The following INPP4A variants were observed in gnomAD, a reference collection of about 807,000 sequenced individuals.
The protein encoded by INPP4A is inositol polyphosphate-4-phosphatase type I A.
A neutral mutation model predicts 119.8 loss-of-function variants in INPP4A; 33 were observed. The observed-to-expected ratio is 0.28, with a 90% confidence interval of 0.21 to 0.37. The LOEUF (loss-of-function observed/expected upper bound fraction) is 0.37, where lower values mean the gene tolerates loss of function less well. INPP4A is among the 10% of genes least tolerant of loss of function. INPP4A has a pLI of 1.00. For synonymous variants in INPP4A, 496 were observed against 500.7 expected (o/e 0.99, Z 0.12); for missense variants, 956 against 1,289.9 (o/e 0.74, Z 3.97).
At chr2:98,486,228 T>C (rs1679511153) in intron 1 of INPP4A, among the ~76,000 whole-genome samples, 1 of 152,236 alleles carries the variant, frequency 6.6e-6, no homozygotes, top group South Asian at 2.1e-4. Flanking sequence ...CCCATTTCTA[T>C]GGAAGGCACA....
In INPP4A at chr2:98,569,404, C is replaced by T. The variant is rs3754876; in HGVS notation, c.2518+736C>T. On this transcript the variant is annotated intron_variant, in intron 22 of 24. Coordinates refer to ENST00000409851, the MANE Select transcript of INPP4A (RefSeq NM_001134225.2). This position sits in a 1 kb window ranked among gnomAD's most constrained non-coding sequence, Gnocchi z 5.1. ...GCCACAGCCACTAGGGGGCGCCACG[C>T]GTCAGAAGGTATCATCCCCTCTGTG... 0.12 allele frequency: 17,804 copies of T among 152,286 alleles called. 1,299 individuals are homozygous for T. The highest frequency in any genetic ancestry group is 0.17 in the Middle Eastern group (50 of 296). 9.4% of individuals were successfully genotyped at this position (152,286 alleles called of 1,614,324 possible). A position where few individuals can be genotyped will look rare whatever the true frequency, so the allele number is the denominator to read the frequency against.
intron 1 of INPP4A, among the ~76,000 whole-genome samples, chr2:98,489,358 C>A (rs1239176866): frequency 6.6e-6 from 1 of 152,090 alleles, no homozygotes; most frequent in African/African-American, 2.4e-5. Flanking sequence ...TTGGCATCAT[C>A]TCCTGGATGG....
At chr2:98,552,084 G>C (rs533713464) in intron 13 of INPP4A, among the ~76,000 whole-genome samples, 1 of 152,322 alleles carries the variant, frequency 6.6e-6, no homozygotes, top group Non-Finnish European at 1.5e-5. Flanking sequence ...GTGGGAAGGA[G>C]GGAGAGCCAG....
chr2:98,585,299 G>A (rs576020297), intron 24 of INPP4A, among the ~76,000 whole-genome samples: 6 of 152,274 alleles, frequency 3.9e-5, no homozygotes, highest in African/African-American at 7.2e-5. Flanking sequence ...CACTGGAACC[G>A]GAAAACTAGA....
chr2:98,570,752 G>A lies in INPP4A; in HGVS notation c.2519-2063G>A, dbSNP rs1697298811. Among the ~76,000 whole-genome samples the A allele has an allele frequency of 1.3e-5, 2 of 152,144 alleles. No homozygotes were observed. The highest frequency in any genetic ancestry group is 2.4e-5 in the African/African-American group (1 of 41,432). ...GGGAGGGAAGGAGGGAGGAGAGAAGGTAGGGACATGAATGGAGGAAATATG... is the reference window on the plus strand; with the variant it reads ...GGGAGGGAAGGAGGGAGGAGAGAAGATAGGGACATGAATGGAGGAAATATG... On this transcript the variant is annotated intron_variant, in intron 22 of 24. Transcript: ENST00000409851. This position sits in a 1 kb window ranked among gnomAD's most constrained non-coding sequence, Gnocchi z 4.3.
At chr2:98,583,582 T>C (rs1381799819) in intron 24 of INPP4A, among the ~76,000 whole-genome samples, 1 of 152,240 alleles carries the variant, frequency 6.6e-6, no homozygotes, top group Non-Finnish European at 1.5e-5. Context: ...GTTCATATTA[T>C]GTTGTGCCTC....
intron 4 of INPP4A, among the ~76,000 whole-genome samples, chr2:98,531,601 A>G (rs1372987741): frequency 6.6e-6 from 1 of 152,206 alleles, no homozygotes. Context: ...AAATTATAAA[A>G]GCTACCAGAA....
chr2:98,467,099 G>A (rs985188194), intron 1 of INPP4A, among the ~76,000 whole-genome samples: 3 of 152,156 alleles, frequency 2.0e-5, no homozygotes, highest in African/African-American at 7.2e-5. Flanking sequence ...GTCGTGTGCT[G>A]AGCTCACATG....
At chr2:98,553,512 C>T (rs1693919546) in intron 14 of INPP4A, among the ~76,000 whole-genome samples, 1 of 151,932 alleles carries the variant, frequency 6.6e-6, no homozygotes, top group Non-Finnish European at 1.5e-5. Context: ...GATACTTTTC[C>T]CCATTACTTG....
intron 19 of INPP4A, 143 bp downstream of exon 19, chr2:98,564,906 C>T: frequency 9.6e-7 from 1 of 1,043,456 alleles, no homozygotes; most frequent in Non-Finnish European, 1.3e-6. Flanking sequence ...AGATGGCAGA[C>T]CTGGCAGTTA....
intron 16 of INPP4A, among the ~76,000 whole-genome samples, chr2:98,556,771 A>C (rs1340004330): frequency 6.6e-6 from 1 of 152,220 alleles, no homozygotes; most frequent in Admixed American, 6.5e-5. Context: ...TCAGGTTGTA[A>C]GATGCCCTTT....
At chr2:98,561,392 G>A (rs776448872) in intron 17 of INPP4A, among the ~76,000 whole-genome samples, 2 of 152,126 alleles carry the variant, frequency 1.3e-5, no homozygotes, top group Non-Finnish European at 2.9e-5. Context: ...TAGATCCTGC[G>A]TGGAAATCAT....
Position 98,569,856 on chromosome 2 carries a change from T to G in INPP4A, c.2518+1188T>G, listed in dbSNP as rs1328531394. ...GGTTCATCTAGCAAGAGTGTGCGGT[T>G]GGATTGGAAGAGGGGAGGCAAGCCG... is the stretch of plus-strand genomic sequence containing the variant. On this transcript the variant is annotated intron_variant, in intron 22 of 24. Coordinates refer to ENST00000409851, the MANE Select transcript of INPP4A (RefSeq NM_001134225.2). This position sits in a 1 kb window ranked among gnomAD's most constrained non-coding sequence, Gnocchi z 5.1. 6.6e-6 allele frequency: 1 copy of G among 152,102 alleles called. No individual in the cohort carries two copies. Among genetic ancestry groups the G allele is most frequent in the Non-Finnish European group, 1.5e-5 (1 of 68,072 alleles). 9.4% of individuals were successfully genotyped at this position (152,102 alleles called of 1,614,324 possible). A position where few individuals can be genotyped will look rare whatever the true frequency, so the allele number is the denominator to read the frequency against.
At chr2:98,505,845 T>C (rs2105449214) in intron 1 of INPP4A, among the ~76,000 whole-genome samples, 1 of 152,366 alleles carries the variant, frequency 6.6e-6, no homozygotes, top group African/African-American at 2.4e-5. Flanking sequence ...CAGAATATTC[T>C]TGCTTTTTCA....
At position 98,519,984 on chromosome 2, in the gene INPP4A, C is replaced by T. The variant is rs781184292; in HGVS notation, c.-65C>T. 5.2e-6 allele frequency: 7 copies of T among 1,351,592 alleles called. No individual in the cohort carries two copies. Among genetic ancestry groups the T allele is most frequent in the African/African-American group, 1.4e-5 (1 of 69,314 alleles). 83.7% of individuals were successfully genotyped at this position (1,351,592 alleles called of 1,614,324 possible). A position where few individuals can be genotyped will look rare whatever the true frequency, so the allele number is the denominator to read the frequency against. ...TTAGTGGACTAGGGCTCGGTGCCAG[C>T]ACTTCCCGGGTAATCAGGCGTGGTC... On this transcript the variant is annotated 5_prime_UTR_variant, in exon 3 of 25. Transcript: ENST00000409851.
intron 1 of INPP4A, among the ~76,000 whole-genome samples, chr2:98,480,517 A>G (rs1436700513): frequency 1.3e-5 from 2 of 152,198 alleles, no homozygotes; most frequent in African/African-American, 2.4e-5. Context: ...TGTTAGGAAC[A>G]TCATCACTGA....
chr2:98,464,808 AGT>A (rs765784926), intron 1 of INPP4A, among the ~76,000 whole-genome samples: 113 of 152,344 alleles, frequency 7.4e-4, no homozygotes, highest in Non-Finnish European at 4.4e-5. Flanking sequence ...GGCCTGTGGC[AGT>A]GTTGTATTTA....
intron 1 of INPP4A, among the ~76,000 whole-genome samples, chr2:98,513,233 A>C (rs1685471393): frequency 6.6e-6 from 1 of 151,940 alleles, no homozygotes; most frequent in Non-Finnish European, 1.5e-5. Context: ...CCAACCCCAC[A>C]ACCCCTTCCC....
In INPP4A at chr2:98,587,968, T is replaced by G. The variant is rs556530733; in HGVS notation, c.*360T>G. 1.3e-3 allele frequency: 293 copies of G among 231,794 alleles called. No homozygotes were observed. The highest frequency in any genetic ancestry group is 6.1e-3 in the African/African-American group (277 of 45,288). The allele number at this position is 231,794 out of a possible 1,614,324, so 14.4% of individuals were successfully genotyped here. The stretch of plus-strand genomic sequence containing the variant: ...CAAATGCCTGCTTGCTCACTTACTT[T>G]TCTACAGAGTAACTCAAAAGTAACC... On this transcript the variant is annotated 3_prime_UTR_variant, in exon 25 of 25. Transcript: ENST00000409851.
Sources: allele counts gnomAD v4.1 joint callset (sites outside exome capture counted in the v4.1 genomes callset), GRCh38; gene constraint gnomAD v4.1.1; non-coding constraint Gnocchi (gnomAD v3.1); transcripts MANE v1.5; gene names NCBI Gene and HGNC (gene_info 2026-07-23, HGNC 2026-07-21).